DIAPH3: variants seen among roughly 807,000 people sequenced by gnomAD.
DIAPH3 encodes the protein diaphanous related formin 3.
In DIAPH3, 117 loss-of-function variants were observed where a neutral mutation model predicts 144.3. The ratio of observed to expected loss-of-function variants is 0.81; its 90% confidence interval spans 0.70 to 0.95. DIAPH3 has a LOEUF of 0.95. Ranked by LOEUF, DIAPH3 falls within the 40% of genes least tolerant of loss-of-function variation. The pLI, the probability that DIAPH3 is intolerant of heterozygous loss-of-function variation, is 0.00. For synonymous variants in DIAPH3, 519 were observed against 488.9 expected (o/e 1.06, Z -0.81); for missense variants, 1,421 against 1,412.7 (o/e 1.01, Z -0.09).
chr13:59,995,448 G>C (rs990359061), intron 9 of DIAPH3, among the ~76,000 whole-genome samples: 2 of 151,894 alleles, frequency 1.3e-5, no homozygotes, highest in Non-Finnish European at 2.9e-5. Flanking sequence ...AGAGCATCTA[G>C]TTAACTAAAG....
intron 25 of DIAPH3, among the ~76,000 whole-genome samples, chr13:59,785,083 A>T (rs528224719): frequency 3.4e-4 from 51 of 152,216 alleles, no homozygotes; most frequent in Admixed American, 7.2e-4. Context: ...GTGAAACTGA[A>T]AATTTATTTG....
In DIAPH3 at chr13:59,811,617, A is replaced by G. The variant is rs1486014663; in HGVS notation, c.3028-694T>C. On this transcript the variant is annotated intron_variant, in intron 24 of 27. Transcript: ENST00000400324. Reference sequence around the variant, plus strand: ...CTGGGTGTGGTGGCGGGTGCCTGTAATCCCAGCTACTAGGGAGGCTGAGGC... The same window carrying G: ...CTGGGTGTGGTGGCGGGTGCCTGTAGTCCCAGCTACTAGGGAGGCTGAGGC... 2.6e-5 allele frequency among the ~76,000 whole-genome samples: 4 copies of G among 151,402 alleles called. No homozygotes were observed. In the South Asian group the frequency reaches 8.4e-4, roughly 32 times the overall value.
chr13:60,066,131 A>C (rs1003168479), intron 4 of DIAPH3, among the ~76,000 whole-genome samples: 13 of 152,202 alleles, frequency 8.5e-5, no homozygotes, highest in African/African-American at 3.1e-4. Context: ...GCCATTCATT[A>C]AACATGAAAG....
intron 15 of DIAPH3, among the ~76,000 whole-genome samples, chr13:59,972,616 TAAAG>T (rs1253857340): frequency 6.6e-6 from 1 of 152,168 alleles, no homozygotes; most frequent in Non-Finnish European, 1.5e-5. Flanking sequence ...CCATTAAGTA[TAAAG>T]AAGAACCAGT....
At chr13:59,819,619 GCAAA>G (rs1298704723) in intron 24 of DIAPH3, among the ~76,000 whole-genome samples, 1 of 151,640 alleles carries the variant, frequency 6.6e-6, no homozygotes, top group Non-Finnish European at 1.5e-5. Context: ...CCCAAAGGTT[GCAAA>G]CAAACAAACA....
chr13:59,670,822 A>G (rs2032332703), intron 27 of DIAPH3, among the ~76,000 whole-genome samples: 2 of 151,948 alleles, frequency 1.3e-5, no homozygotes, highest in African/African-American at 4.8e-5. Flanking sequence ...TGACCTCGTG[A>G]TCCGCCCGCC....
At chr13:60,114,215 T>G (rs2058643407) in intron 2 of DIAPH3, among the ~76,000 whole-genome samples, 1 of 145,816 alleles carries the variant, frequency 6.9e-6, no homozygotes, top group African/African-American at 2.5e-5. Flanking sequence ...AACGATATAA[T>G]GAAGAGTGGA....
chr13:59,940,700 T>TA (rs1319883667), intron 17 of DIAPH3, among the ~76,000 whole-genome samples: 4 of 152,064 alleles, frequency 2.6e-5, no homozygotes, highest in South Asian at 2.1e-4. Context: ...ATCATCTAAT[T>TA]AAAAAAAATC....
At chr13:59,994,962 A>C (rs1363759862) in intron 9 of DIAPH3, among the ~76,000 whole-genome samples, 1 of 151,894 alleles carries the variant, frequency 6.6e-6, no homozygotes, top group Non-Finnish European at 1.5e-5. Context: ...TGTAGAAGTA[A>C]ATTTTTGAGC....
intron 18 of DIAPH3, among the ~76,000 whole-genome samples, chr13:59,920,508 A>G (rs2047455306): frequency 7.1e-6 from 1 of 140,880 alleles, no homozygotes; most frequent in Non-Finnish European, 1.6e-5. Context: ...TTGTAAACAT[A>G]TATATGTGTA....
At chr13:59,830,861 C>T (rs903288808) in intron 24 of DIAPH3, among the ~76,000 whole-genome samples, 4 of 151,826 alleles carry the variant, frequency 2.6e-5, no homozygotes, top group Admixed American at 2.0e-4. Context: ...CAAATCCCAA[C>T]TGGATCACTT....
intron 25 of DIAPH3, among the ~76,000 whole-genome samples, chr13:59,794,567 T>C (rs999401288): frequency 2.0e-5 from 3 of 152,232 alleles, no homozygotes; most frequent in African/African-American, 4.8e-5. Context: ...TACAGATCTG[T>C]TGGATAGTGC....
chr13:59,843,446 CT>C (rs769259838), intron 22 of DIAPH3, among the ~76,000 whole-genome samples: 6 of 152,152 alleles, frequency 3.9e-5, no homozygotes, highest in Non-Finnish European at 7.3e-5. Context: ...AGGCCTGTGA[CT>C]TTTCCAATTC....
chr13:59,876,111 T>C (rs2044611456), intron 21 of DIAPH3, among the ~76,000 whole-genome samples: 1 of 152,166 alleles, frequency 6.6e-6, no homozygotes, highest in African/African-American at 2.4e-5. Context: ...TTAAAATACT[T>C]CCTTGTCTTT....
intron 17 of DIAPH3, among the ~76,000 whole-genome samples, chr13:59,963,672 G>C (rs2049894319): frequency 6.6e-6 from 1 of 151,948 alleles, no homozygotes; most frequent in East Asian, 1.9e-4. Flanking sequence ...TAAATGAATA[G>C]CTAGATTTAC....
intron 27 of DIAPH3, among the ~76,000 whole-genome samples, chr13:59,756,460 GGAAGGAAA>G (rs1393341045): frequency 1.9e-4 from 26 of 138,848 alleles, no homozygotes; most frequent in African/African-American, 6.8e-4. Flanking sequence ...AAGGAAGGAA[GGAAGGAAA>G]GAAGGAAGGA....
intron 14 of DIAPH3, among the ~76,000 whole-genome samples, chr13:59,978,864 G>A (rs2050824923): frequency 6.6e-6 from 1 of 151,584 alleles, no homozygotes; most frequent in Admixed American, 6.6e-5. Context: ...CATTCTCTAG[G>A]GTGAATGTAT....
chr13:59,808,133 C>A (rs2040288505), intron 25 of DIAPH3, among the ~76,000 whole-genome samples: 2 of 150,368 alleles, frequency 1.3e-5, no homozygotes, highest in Non-Finnish European at 3.0e-5. Flanking sequence ...TTAAAGGTGA[C>A]AGAAAAAAAT....
intron 27 of DIAPH3, among the ~76,000 whole-genome samples, chr13:59,707,429 C>T (rs1486375815): frequency 6.6e-6 from 1 of 152,070 alleles, no homozygotes; most frequent in Non-Finnish European, 1.5e-5. Context: ...GACTTTCTCA[C>T]AGTTACAACG....
Sources: allele counts gnomAD v4.1 joint callset (sites outside exome capture counted in the v4.1 genomes callset), GRCh38; gene constraint gnomAD v4.1.1; transcripts MANE v1.5; gene names NCBI Gene and HGNC (gene_info 2026-07-23, HGNC 2026-07-21).